Variants in DENND5A observed in about 807,000 individuals in gnomAD.
DENND5A encodes DENN domain-containing protein 5A.
A neutral mutation model predicts 140.3 loss-of-function variants in DENND5A; 64 were observed. That is an observed-to-expected ratio of 0.46 (90% CI 0.37 to 0.56). DENND5A has a LOEUF of 0.56. Among genes scored for constraint, DENND5A ranks in the 20% least tolerant of loss-of-function variants. The pLI, the probability that DENND5A is intolerant of heterozygous loss-of-function variation, is 0.00. For synonymous variants in DENND5A, 605 were observed against 607.7 expected (o/e 1.00, Z 0.07); for missense variants, 1,292 against 1,593.8 (o/e 0.81, Z 3.22).
Position 9,179,028 on chromosome 11 carries a change from G to T in DENND5A, c.1501C>A (p.Gln501Lys). The change falls in exon 7 of 23, where the codon CAG becomes AAG. Residue 501 changes from glutamine to lysine, a missense_variant. This residue lies in a region of DENND5A where 566 missense variants were observed against 650.4 expected (regional missense o/e 0.87). Coordinates refer to ENST00000328194, the MANE Select transcript of DENND5A (RefSeq NM_015213.4). ...DPSSNKDLKV[Q>K]CDEEELRIYQ... ...ATCCTGAGTTCTTCTTCATCACACT[G>T]AACTTTGAGATCCTTATTGCTGCTG... The T allele has an allele frequency of 6.2e-7, 1 of 1,614,070 alleles. No homozygotes were observed. Among genetic ancestry groups the T allele is most frequent in the Non-Finnish European group, 8.5e-7 (1 of 1,180,020 alleles).
intron 12 of DENND5A, 54 bp from the exon 13 acceptor site, chr11:9,152,496 G>C (rs1847652731): frequency 1.6e-6 from 2 of 1,233,424 alleles, no homozygotes; most frequent in Non-Finnish European, 2.4e-6. Flanking sequence ...AGGGGTCAAG[G>C]CTTTCAACAT....
In DENND5A at chr11:9,170,604, G is replaced by A. The variant is rs75220473; in HGVS notation, c.2057+23C>T. On this transcript the variant is annotated intron_variant, in intron 9 of 22. Coordinates refer to ENST00000328194, the MANE Select transcript of DENND5A (RefSeq NM_015213.4). ...CTATTACAGCTAGGGAGTTGGATTAGTGAATCCCTGGGGTTGACTCACTTG... is the reference window on the plus strand; with the variant it reads ...CTATTACAGCTAGGGAGTTGGATTAATGAATCCCTGGGGTTGACTCACTTG... 12,183 of 1,613,482 alleles carry A rather than the reference G, an allele frequency of 7.6e-3. 73 individuals are homozygous for A. Among genetic ancestry groups the A allele is most frequent in the Middle Eastern group, 0.011 (65 of 6,034 alleles).
At chr11:9,153,311 C>G (rs1386319027) in intron 12 of DENND5A, among the ~76,000 whole-genome samples, 1 of 127,436 alleles carries the variant, frequency 7.8e-6, no homozygotes, top group Non-Finnish European at 1.5e-5. Context: ...TGCCGCTGCA[C>G]TCCAGCCTGG....
intron 1 of DENND5A, among the ~76,000 whole-genome samples, chr11:9,231,715 C>CAGAAAAAAAAA (rs551722172): frequency 2.5e-5 from 2 of 78,964 alleles, no homozygotes; most frequent in East Asian, 8.8e-4. Context: ...AACTCCGTCT[C>CAGAAAAAAAAA]AAAAAAAAAA....
intron 1 of DENND5A, among the ~76,000 whole-genome samples, chr11:9,222,431 A>G (rs553142031): frequency 2.0e-5 from 3 of 152,350 alleles, no homozygotes; most frequent in African/African-American, 7.2e-5. Context: ...AACCTTTTAG[A>G]TCACTAAGTA....
chr11:9,245,686 T>C (rs1851442554), intron 1 of DENND5A, among the ~76,000 whole-genome samples: 1 of 151,808 alleles, frequency 6.6e-6, no homozygotes, highest in Non-Finnish European at 1.5e-5. Flanking sequence ...TAGGCTGGAG[T>C]GCAGTGGCAC....
intron 1 of DENND5A, 97 bp downstream of exon 1, chr11:9,264,864 C>T: frequency 3.5e-6 from 4 of 1,157,200 alleles, no homozygotes; most frequent in Admixed American, 2.4e-5. Flanking sequence ...GACACTCGCC[C>T]GGCTCCCGGG....
intron 1 of DENND5A, among the ~76,000 whole-genome samples, chr11:9,223,998 C>T (rs530506630): frequency 6.6e-6 from 1 of 152,024 alleles, no homozygotes; most frequent in East Asian, 1.9e-4. Flanking sequence ...TCAAGACCAG[C>T]CTGGCCAACA....
At chr11:9,140,594 A>C (rs1847204353) in intron 22 of DENND5A, among the ~76,000 whole-genome samples, 1 of 152,184 alleles carries the variant, frequency 6.6e-6, no homozygotes, top group Non-Finnish European at 1.5e-5. Context: ...TAATATGAAA[A>C]GAATCTTTCT....
Position 9,195,471 on chromosome 11 carries a change from CAT to C in DENND5A, c.950-1792_950-1791del, listed in dbSNP as rs1290146188. ...AAAGCAGAAATATGCATTTTTAAAT[CAT>C]ATGAGTAAAATCCTTCTGGAATGGC... On this transcript the variant is annotated intron_variant, in intron 4 of 22. Coordinates refer to ENST00000328194, the MANE Select transcript of DENND5A (RefSeq NM_015213.4). Among the ~76,000 whole-genome samples, 4 of 152,128 alleles carry C rather than the reference CAT, an allele frequency of 2.6e-5. No individual in the cohort carries two copies. In the East Asian group the frequency reaches 7.7e-4, roughly 29 times the overall value.
At chr11:9,222,408 C>A (rs1850349595) in intron 1 of DENND5A, among the ~76,000 whole-genome samples, 1 of 152,086 alleles carries the variant, frequency 6.6e-6, no homozygotes, top group Non-Finnish European at 1.5e-5. Flanking sequence ...TTAGTTTATT[C>A]ATAAATGTTT....
At position 9,265,160 on chromosome 11, in the gene DENND5A, CCCG is replaced by C; in HGVS notation, c.-94_-92del. The C allele has an allele frequency of 9.0e-5, 60 of 668,814 alleles. No individual in the cohort carries two copies. Among genetic ancestry groups the C allele is most frequent in the East Asian group, 2.5e-4 (2 of 8,084 alleles). The allele number at this position is 668,814 out of a possible 1,614,324, so 41.4% of individuals were successfully genotyped here. A position where few individuals can be genotyped will look rare whatever the true frequency, so the allele number is the denominator to read the frequency against. Reference sequence around the variant, plus strand: ...GCCCGTCCGCCCTCAGGCCGCCCCTCCCGCCGCCGCCGCTACCGCGGCTCGGGC... The same window carrying C: ...GCCCGTCCGCCCTCAGGCCGCCCCTCCCGCCGCCGCTACCGCGGCTCGGGC... On this transcript the variant is annotated 5_prime_UTR_variant, in exon 1 of 23. Transcript: ENST00000328194. The surrounding 1 kb of genome is among the most constrained non-coding windows in gnomAD (Gnocchi z 4.7).
At chr11:9,234,414 G>A (rs1850912286) in intron 1 of DENND5A, among the ~76,000 whole-genome samples, 1 of 151,528 alleles carries the variant, frequency 6.6e-6, no homozygotes, top group East Asian at 1.9e-4. Context: ...CAATCTACTT[G>A]AGTAGTAGTC....
intron 22 of DENND5A, chr11:9,140,312 GAAGTT>G: frequency 2.3e-6 from 2 of 875,924 alleles, no homozygotes; most frequent in Middle Eastern, 2.6e-4. Flanking sequence ...AGGGTAGATG[GAAGTT>G]AAGTAGCTTG....
At chr11:9,218,715 A>C (rs1850193176) in intron 1 of DENND5A, among the ~76,000 whole-genome samples, 1 of 152,118 alleles carries the variant, frequency 6.6e-6, no homozygotes. Flanking sequence ...TCTCAAAAAT[A>C]AATGTATTGG....
At chr11:9,186,167 CTG>C (rs1848906890) in intron 5 of DENND5A, among the ~76,000 whole-genome samples, 1 of 150,506 alleles carries the variant, frequency 6.6e-6, no homozygotes. Flanking sequence ...AATTCAAAGA[CTG>C]TAAGAATCAC....
rs1241600767 is a variant in DENND5A, at chr11:9,145,725, A to G, written c.2948T>C (p.Leu983Ser). ...ANPWICISGE[L>S]GETQIMQIPR... ...AATCTGCATGATCTGTGTCTCACCC[A>G]ATTCTCCTGATATACAGATCCATGG... Residue 983 changes from leucine (L) to serine (S), a missense_variant, in exon 17 of 23, where the codon TTG (leucine) becomes TCG (serine). Leu to Ser is a moderately radical substitution (Grantham distance 145, BLOSUM62 -2). Coordinates refer to ENST00000328194, the MANE Select transcript of DENND5A (RefSeq NM_015213.4). 1 of 1,614,168 alleles carries G rather than the reference A, an allele frequency of 6.2e-7. No homozygotes were observed. The highest frequency in any genetic ancestry group is 8.5e-7 in the Non-Finnish European group (1 of 1,180,008).
At chr11:9,243,587 T>C (rs962449393) in intron 1 of DENND5A, among the ~76,000 whole-genome samples, 1 of 152,156 alleles carries the variant, frequency 6.6e-6, no homozygotes, top group Non-Finnish European at 1.5e-5. Flanking sequence ...TCCTGAAGGA[T>C]AAATATATTT....
chr11:9,170,071 T>A (rs190470324), intron 9 of DENND5A, 122 bp from the exon 10 acceptor site: 33 of 862,142 alleles, frequency 3.8e-5, no homozygotes, highest in Middle Eastern at 2.3e-4. Context: ...GACCTAGATG[T>A]CACCAGAGAC....
Sources: gnomAD v4.1 joint callset for allele counts (sites outside exome capture counted in the v4.1 genomes callset) on GRCh38, gnomAD v4.1.1 for gene constraint, gnomAD v4.1.1 regional missense constraint, Gnocchi (gnomAD v3.1) non-coding constraint, MANE v1.5 for transcripts, NCBI Gene and HGNC (gene_info 2026-07-23, HGNC 2026-07-21) for gene names.